SPACA7: variants seen among roughly 807,000 people sequenced by gnomAD.
SPACA7 encodes sperm acrosome-associated protein 7.
SPACA7 carries 19 observed loss-of-function variants against 26.3 expected under a neutral mutation model. The ratio of observed to expected loss-of-function variants is 0.72; its 90% CI spans 0.50 to 1.06. The LOEUF is 1.06. SPACA7 is among the 50% of genes least tolerant of loss of function. The probability of loss-of-function intolerance (pLI) is 0.00; values close to 1 mark genes in which losing one functional copy is unlikely to be tolerated. For synonymous variants in SPACA7, 84 were observed against 84.5 expected, an observed-to-expected ratio of 0.99 and a Z score of 0.04; for missense variants, 211 against 229.9, an observed-to-expected ratio of 0.92 and a Z score of 0.53.
At chr13:112,385,912 T>A (rs1309047672) in intron 1 of SPACA7, among the ~76,000 whole-genome samples, 3 of 152,104 alleles carry the variant, frequency 2.0e-5, no homozygotes. Flanking sequence ...CATTGGCCAG[T>A]TTTTTAATTG....
At chr13:112,411,236 T>TA (rs1341122482) in intron 5 of SPACA7, among the ~76,000 whole-genome samples, 1 of 152,136 alleles carries the variant, frequency 6.6e-6, no homozygotes, top group East Asian at 1.9e-4. Flanking sequence ...CCTTTGTACT[T>TA]ACAACTTTTT....
At chr13:112,414,631 G>A (rs547937469) in intron 5 of SPACA7, among the ~76,000 whole-genome samples, 3 of 151,888 alleles carry the variant, frequency 2.0e-5, no homozygotes, top group South Asian at 2.1e-4. Flanking sequence ...GGCTGGTCTC[G>A]AACTCCTGAC....
intron 5 of SPACA7, among the ~76,000 whole-genome samples, chr13:112,410,789 T>C (rs1002034114): frequency 2.6e-5 from 4 of 152,124 alleles, no homozygotes; most frequent in Non-Finnish European, 5.9e-5. Flanking sequence ...ACCCAGCAAT[T>C]ACACTTCTGG....
chr13:112,392,809 C>T (rs1884978886), intron 1 of SPACA7, among the ~76,000 whole-genome samples: 1 of 152,156 alleles, frequency 6.6e-6, no homozygotes, highest in African/African-American at 2.4e-5. Flanking sequence ...CCGGAGGTGG[C>T]TGTTTCTCCG....
chr13:112,379,287 T>G (rs1016319575), intron 1 of SPACA7, among the ~76,000 whole-genome samples: 2 of 152,180 alleles, frequency 1.3e-5, no homozygotes, highest in African/African-American at 4.8e-5. Flanking sequence ...CTTGGCAGAG[T>G]CTTACCTAAA....
chr13:112,378,713 C>A (rs1305512892), intron 1 of SPACA7: 2 of 471,204 alleles, frequency 4.2e-6, no homozygotes, highest in East Asian at 6.9e-5. Flanking sequence ...GGATGGGGAC[C>A]CGGTGAGCCA....
intron 1 of SPACA7, chr13:112,378,554 T>G (rs1304855502): frequency 1.1e-5 from 4 of 375,320 alleles, no homozygotes; most frequent in Non-Finnish European, 1.6e-5. Flanking sequence ...TTTTAAAAGC[T>G]TTTTGAGGCT....
chr13:112,393,138 G>A lies in SPACA7; in HGVS notation c.151+61G>A, dbSNP rs548281352. Reference sequence around the variant, plus strand: ...CGTGAAGAGGGCTGGATGGTTGTCTGTGGCTGTTTCCCAGATAACCTGGTA... The same window carrying A: ...CGTGAAGAGGGCTGGATGGTTGTCTATGGCTGTTTCCCAGATAACCTGGTA... On this transcript the variant is annotated intron_variant, in intron 2 of 6. Coordinates refer to ENST00000283550, the MANE Select transcript of SPACA7 (RefSeq NM_145248.5). 2.8e-6 allele frequency: 4 copies of A among 1,422,374 alleles called. No homozygotes were observed. The African/African-American group carries it at 5.6e-5, about 20-fold the overall frequency. 88.1% of individuals were successfully genotyped at this position (1,422,374 alleles called of 1,614,324 possible).
At chr13:112,426,406 G>C (rs1239774489) in intron 5 of SPACA7, among the ~76,000 whole-genome samples, 4 of 152,116 alleles carry the variant, frequency 2.6e-5, no homozygotes, top group Non-Finnish European at 5.9e-5. Flanking sequence ...TTATCTTTCT[G>C]TATAAATTTA....
intron 1 of SPACA7, among the ~76,000 whole-genome samples, chr13:112,376,795 A>G (rs1883726075): frequency 6.6e-6 from 1 of 152,070 alleles, no homozygotes; most frequent in African/African-American, 2.4e-5. Flanking sequence ...CTACACACAC[A>G]CACATACACA....
chr13:112,414,388 CTTTTTTTTTTTTTTTTTTTTTTTTT>C (rs869183760), intron 5 of SPACA7, among the ~76,000 whole-genome samples: 1 of 31,396 alleles, frequency 3.2e-5, no homozygotes, highest in East Asian at 1.2e-3. Flanking sequence ...TTTTCTGTGT[CTTTTTTTTTTTTTTTTTTTTTTTTT>C]TTTTTTTTTT....
rs116906905 is a variant in SPACA7, at chr13:112,433,646, G to C, written c.524-839G>C. Among the ~76,000 whole-genome samples the C allele has an allele frequency of 7.6e-3, 1,037 of 135,942 alleles. 67 individuals carry two copies. Among genetic ancestry groups the C allele is most frequent in the Non-Finnish European group, 0.012 (733 of 58,688 alleles). 89.2% of individuals were successfully genotyped at this position (135,942 alleles called of 152,430 possible). ...GCTGGAGACGACCTCCCTGCTGCAT[G>C]AGTTGTCATCGAGCACAGGCCAAGA... On this transcript the variant is annotated intron_variant, in intron 6 of 6. Coordinates refer to ENST00000283550, the MANE Select transcript of SPACA7 (RefSeq NM_145248.5).
chr13:112,411,233 A>G (rs1279052667), intron 5 of SPACA7, among the ~76,000 whole-genome samples: 1 of 151,870 alleles, frequency 6.6e-6, no homozygotes, highest in Non-Finnish European at 1.5e-5. Context: ...ACACCTTTGT[A>G]CTTACAACTT....
intron 5 of SPACA7, among the ~76,000 whole-genome samples, chr13:112,424,309 G>A (rs954666947): frequency 3.9e-5 from 6 of 152,170 alleles, no homozygotes; most frequent in Non-Finnish European, 7.3e-5. Context: ...TCAATTCTGC[G>A]TTTAGCCTTC....
intron 5 of SPACA7, among the ~76,000 whole-genome samples, chr13:112,415,953 G>A (rs910038648): frequency 1.3e-5 from 2 of 151,918 alleles, no homozygotes; most frequent in Non-Finnish European, 2.9e-5. Context: ...TTCCACTGTG[G>A]TGAGGCCAGC....
intron 1 of SPACA7, among the ~76,000 whole-genome samples, chr13:112,389,505 A>G (rs189342795): frequency 1.2e-3 from 187 of 152,366 alleles, no homozygotes; most frequent in Admixed American, 3.3e-3. Context: ...CTAGTAATGT[A>G]AACTTAAAAA....
At chr13:112,430,168 C>CTGTGTG (rs1471577074) in intron 5 of SPACA7, among the ~76,000 whole-genome samples, 4,232 of 115,578 alleles carry the variant, frequency 0.037, 84 homozygotes, top group Admixed American at 0.055. Flanking sequence ...CCTTGCATCT[C>CTGTGTG]TCTCTCTGTG....
Position 112,434,468 on chromosome 13 carries a change from C to A in SPACA7, c.524-17C>A, listed in dbSNP as rs1158810008. ...TACCACACACTGCCAGTCTCAAAAT[C>A]TCCTCTTTCCACACAGGAAACATTT... On this transcript the variant is annotated splice_polypyrimidine_tract_variant and intron_variant, in intron 6 of 6. Transcript: ENST00000283550. The A allele has an allele frequency of 6.2e-7, 1 of 1,601,258 alleles. No individual in the cohort carries two copies. Among genetic ancestry groups the A allele is most frequent in the East Asian group, 2.3e-5 (1 of 44,316 alleles).
chr13:112,388,313 C>T (rs190226402), intron 1 of SPACA7, among the ~76,000 whole-genome samples: 13 of 152,260 alleles, frequency 8.5e-5, no homozygotes, highest in African/African-American at 1.7e-4. Context: ...AAGAGCCAGC[C>T]GAGACCCCCG....
Sources: gnomAD v4.1 joint callset for allele counts (sites outside exome capture counted in the v4.1 genomes callset) on GRCh38, gnomAD v4.1.1 for gene constraint, MANE v1.5 for transcripts, NCBI Gene and HGNC (gene_info 2026-07-23, HGNC 2026-07-21) for gene names.